Variants in BRD10 observed in about 807,000 individuals in gnomAD.
BRD10 encodes bromodomain containing 10.
At chr9:5,991,692 T>C in the BRD10 span, among the ~76,000 whole-genome samples, 1 of 147,938 alleles carries the variant, frequency 6.8e-6, no homozygotes, top group African/African-American at 2.5e-5. Context: ...GCCATTGCAT[T>C]CCAGCCTGGG....
chr9:5,924,964 G>T, the BRD10 span: 2 of 724,320 alleles, frequency 2.8e-6, no homozygotes, highest in Non-Finnish European at 2.0e-6. Flanking sequence ...CACTAGAAAT[G>T]CTTTAATCTT....
the BRD10 span, among the ~76,000 whole-genome samples, chr9:5,955,673 A>C: frequency 3.9e-5 from 6 of 152,210 alleles, no homozygotes; most frequent in South Asian, 6.2e-4. Context: ...TAACTGTCTT[A>C]TTTTAATAAG....
the BRD10 span, among the ~76,000 whole-genome samples, chr9:5,898,467 C>T: frequency 3.3e-5 from 5 of 152,166 alleles, no homozygotes; most frequent in African/African-American, 4.8e-5. Flanking sequence ...AAAGTCCTAC[C>T]TCTTACCATT....
chr9:5,984,713 T>C, the BRD10 span, among the ~76,000 whole-genome samples: 1 of 152,218 alleles, frequency 6.6e-6, no homozygotes, highest in East Asian at 1.9e-4. Flanking sequence ...GTAAATTAAA[T>C]TTTAAAATGA....
the BRD10 span, chr9:5,891,309 G>C: frequency 2.6e-5 from 4 of 152,204 alleles, no homozygotes; most frequent in Non-Finnish European, 5.9e-5. Flanking sequence ...TGAGGTATGG[G>C]ATGTATTAAA....
chr9:5,920,463 G>A, the BRD10 span: 1 of 1,613,986 alleles, frequency 6.2e-7, no homozygotes, highest in Non-Finnish European at 8.5e-7. Flanking sequence ...GTGCCACCTG[G>A]AGCAGAACTG....
At chr9:5,895,215 T>C in the BRD10 span, among the ~76,000 whole-genome samples, 3 of 152,152 alleles carry the variant, frequency 2.0e-5, no homozygotes, top group South Asian at 2.1e-4. Context: ...AACCCCTGAA[T>C]ACATGGAACA....
At chr9:5,926,578 C>G in the BRD10 span, among the ~76,000 whole-genome samples, 1 of 152,036 alleles carries the variant, frequency 6.6e-6, no homozygotes, top group Non-Finnish European at 1.5e-5. Context: ...GTTGCCCAGG[C>G]CAGAGTGCAG....
chr9:5,932,387 T>C, the BRD10 span, among the ~76,000 whole-genome samples: 96 of 152,234 alleles, frequency 6.3e-4, 2 homozygotes, highest in East Asian at 0.017. Flanking sequence ...CAGTTGACCC[T>C]AGGTATCCAA....
At chr9:5,959,193 A>C in the BRD10 span, among the ~76,000 whole-genome samples, 1 of 152,174 alleles carries the variant, frequency 6.6e-6, no homozygotes, top group Non-Finnish European at 1.5e-5. Context: ...AAAGTCACAT[A>C]ATCAATCCTT....
the BRD10 span, among the ~76,000 whole-genome samples, chr9:5,883,034 A>G: frequency 6.6e-6 from 1 of 152,166 alleles, no homozygotes; most frequent in Non-Finnish European, 1.5e-5. Context: ...GGGGAGGGAT[A>G]GCATTAGGAG....
the BRD10 span, among the ~76,000 whole-genome samples, chr9:6,001,442 C>T: frequency 6.6e-6 from 1 of 152,194 alleles, no homozygotes; most frequent in Non-Finnish European, 1.5e-5. Context: ...TACATATCCT[C>T]ATCATCCTAT....
the BRD10 span, among the ~76,000 whole-genome samples, chr9:5,880,458 G>T: frequency 7.8e-6 from 1 of 127,478 alleles, no homozygotes; most frequent in Non-Finnish European, 1.8e-5. Context: ...AGGTTGCAGT[G>T]AGCTGAGATC....
chr9:5,967,630 A>G, the BRD10 span, among the ~76,000 whole-genome samples: 9 of 148,806 alleles, frequency 6.0e-5, no homozygotes, highest in East Asian at 1.0e-3. Context: ...TATGAACTTT[A>G]GTCCTGGGAA....
the BRD10 span, among the ~76,000 whole-genome samples, chr9:5,903,119 G>A: frequency 6.6e-6 from 1 of 152,144 alleles, no homozygotes; most frequent in African/African-American, 2.4e-5. Context: ...TAATCTCCAA[G>A]TGTTGGGAAT....
the BRD10 span, among the ~76,000 whole-genome samples, chr9:5,913,134 A>G: frequency 2.6e-5 from 4 of 152,224 alleles, no homozygotes; most frequent in Non-Finnish European, 5.9e-5. Flanking sequence ...AGAGCTAGCC[A>G]AAAGATTTTC....
At chr9:5,986,185 C>T in the BRD10 span, among the ~76,000 whole-genome samples, 1 of 152,164 alleles carries the variant, frequency 6.6e-6, no homozygotes, top group Non-Finnish European at 1.5e-5. Context: ...CATGTGTTCT[C>T]ACTGTTCAGC....
chr9:5,939,788 T>C, the BRD10 span, among the ~76,000 whole-genome samples: 1 of 152,208 alleles, frequency 6.6e-6, no homozygotes, highest in South Asian at 2.1e-4. Flanking sequence ...GAAATGTCTG[T>C]GCACTGTAGG....
At chr9:5,923,747 A>G in the BRD10 span, among the ~76,000 whole-genome samples, 1 of 152,232 alleles carries the variant, frequency 6.6e-6, no homozygotes, top group Non-Finnish European at 1.5e-5. Context: ...GAGACTCTAA[A>G]GGACAAAAAA....
Sources: allele counts gnomAD v4.1 joint callset (sites outside exome capture counted in the v4.1 genomes callset), GRCh38; gene constraint gnomAD v4.1.1; transcripts MANE v1.5; gene names NCBI Gene and HGNC (gene_info 2026-07-23, HGNC 2026-07-21).